The following ZFHX3 variants were observed in gnomAD, a reference collection of about 807,000 sequenced individuals.
ZFHX3 encodes zinc finger homeobox 3, also known as zinc finger homeobox protein 3.
A neutral mutation model predicts 279.1 loss-of-function variants in ZFHX3; 42 were observed. That is an observed-to-expected ratio of 0.15 (90% CI 0.12 to 0.19). The LOEUF is 0.19. Among genes scored for constraint, ZFHX3 ranks in the 10% least tolerant of loss-of-function variants. The pLI is 1.00. For synonymous variants in ZFHX3, 2,293 were observed against 1,957.8 expected, an observed-to-expected ratio of 1.17 and a Z score of -4.52; for missense variants, 4,981 against 4,754.0, an observed-to-expected ratio of 1.05 and a Z score of -1.40.
intron 1 of ZFHX3, among the ~76,000 whole-genome samples, chr16:73,781,565 G>A (rs1959473583): frequency 6.6e-6 from 1 of 152,170 alleles, no homozygotes; most frequent in African/African-American, 2.4e-5. Flanking sequence ...AGACTGTGTG[G>A]CCTCCAAAGT....
chr16:73,861,131 T>G (rs71388993), intron 1 of ZFHX3, among the ~76,000 whole-genome samples: 1 of 151,454 alleles, frequency 6.6e-6, no homozygotes, highest in African/African-American at 2.4e-5. Flanking sequence ...ACCTGGATGG[T>G]TTTTTTTGTA....
chr16:73,168,223 C>A (rs969943112), intron 5 of ZFHX3, among the ~76,000 whole-genome samples: 104 of 129,822 alleles, frequency 8.0e-4, no homozygotes, highest in African/African-American at 3.1e-3. Flanking sequence ...TTCTTTCTTT[C>A]TTTCTTTCTT....
intron 1 of ZFHX3, among the ~76,000 whole-genome samples, chr16:73,702,237 T>G (rs114552790): frequency 3.9e-5 from 6 of 151,972 alleles, no homozygotes; most frequent in African/African-American, 1.2e-4. Context: ...AAGGGGAGGA[T>G]AGACCCAAGT....
At chr16:73,533,141 C>T (rs187895914) in intron 2 of ZFHX3, among the ~76,000 whole-genome samples, 20 of 152,156 alleles carry the variant, frequency 1.3e-4, no homozygotes, top group Admixed American at 1.3e-3. Context: ...TGTGCTGTCT[C>T]ACACTCCAAA....
At chr16:72,898,372 C>T (rs754556780) in intron 3 of ZFHX3, among the ~76,000 whole-genome samples, 1 of 152,218 alleles carries the variant, frequency 6.6e-6, no homozygotes, top group Non-Finnish European at 1.5e-5. Flanking sequence ...TGGAACAAGC[C>T]ATGATTGCTC....
intron 4 of ZFHX3, among the ~76,000 whole-genome samples, chr16:73,267,680 G>A (rs1044272724): frequency 6.6e-6 from 1 of 152,168 alleles, no homozygotes; most frequent in Non-Finnish European, 1.5e-5. Flanking sequence ...GGGCAGCTTG[G>A]TCTAGCCTGG....
chr16:73,147,259 G>C (rs569995355), intron 5 of ZFHX3, among the ~76,000 whole-genome samples: 1 of 152,152 alleles, frequency 6.6e-6, no homozygotes, highest in Non-Finnish European at 1.5e-5. Context: ...GTACAACGGG[G>C]ATGAATTTGG....
At chr16:73,384,136 G>T in intron 3 of ZFHX3, among the ~76,000 whole-genome samples, 1 of 152,184 alleles carries the variant, frequency 6.6e-6, no homozygotes, top group East Asian at 1.9e-4. Context: ...GATGCTCTTG[G>T]CCAGGAATTG....
At chr16:73,586,670 A>G (rs2051930323) in intron 2 of ZFHX3, among the ~76,000 whole-genome samples, 1 of 152,200 alleles carries the variant, frequency 6.6e-6, no homozygotes, top group African/African-American at 2.4e-5. Context: ...AAGCAAATCA[A>G]CTGTCTTTGA....
intron 2 of ZFHX3, among the ~76,000 whole-genome samples, chr16:73,582,233 A>C (rs1315383780): frequency 6.6e-6 from 1 of 151,788 alleles, no homozygotes; most frequent in Admixed American, 6.6e-5. Context: ...TTTTCCCTAA[A>C]GGAGTTCTGG....
chr16:72,798,396 G>A lies in ZFHX3; in HGVS notation c.4286C>T (p.Thr1429Ile). The change falls in exon 9 of 10, where the codon ACC (threonine) becomes ATC (isoleucine). Residue 1429 changes from threonine to isoleucine, a missense_variant. Around this residue, in one of 7 missense-constraint regions of ZFHX3, gnomAD observed 1,751 missense variants for 1,770.0 expected, o/e 0.99. Coordinates refer to ENST00000268489, the MANE Select transcript of ZFHX3 (RefSeq NM_006885.4). Reference protein sequence around the residue: ...HSQYHVIRAATMCCLCQRSFR... With the variant: ...HSQYHVIRAAIMCCLCQRSFR... Reference sequence around the variant, plus strand: ...ACTGCGCTGACAAAGACAGCACATGGTGGCAGCTCTGATCACATGGTACTG... The same window carrying A: ...ACTGCGCTGACAAAGACAGCACATGATGGCAGCTCTGATCACATGGTACTG... 2 of 1,614,192 alleles carry A rather than the reference G, an allele frequency of 1.2e-6. No individual in the cohort carries two copies. Among genetic ancestry groups the A allele is most frequent in the Non-Finnish European group, 8.5e-7 (1 of 1,180,042 alleles).
At chr16:73,633,227 G>A (rs1486256557) in intron 2 of ZFHX3, among the ~76,000 whole-genome samples, 8 of 152,128 alleles carry the variant, frequency 5.3e-5, no homozygotes, top group Admixed American at 1.3e-4. Flanking sequence ...GAAGGAGATC[G>A]AAATTGAGAA....
chr16:73,611,721 T>C (rs1010634646), intron 2 of ZFHX3, among the ~76,000 whole-genome samples: 1 of 152,228 alleles, frequency 6.6e-6, no homozygotes, highest in African/African-American at 2.4e-5. Context: ...ATTCTAATAT[T>C]GTATTTTGTT....
chr16:73,357,325 C>T (rs1033166999), intron 3 of ZFHX3, among the ~76,000 whole-genome samples: 1 of 150,864 alleles, frequency 6.6e-6, no homozygotes, highest in Non-Finnish European at 1.5e-5. Context: ...AAATTAATTA[C>T]AAAAAATAAC....
At chr16:73,096,138 C>T (rs1332947569) in intron 7 of ZFHX3, among the ~76,000 whole-genome samples, 2 of 152,094 alleles carry the variant, frequency 1.3e-5, no homozygotes, top group African/African-American at 4.8e-5. Context: ...GATTACAGTC[C>T]CCCAGGGACC....
At chr16:72,829,403 G>A (rs922182149) in intron 5 of ZFHX3, 6 of 192,230 alleles carry the variant, frequency 3.1e-5, no homozygotes, top group African/African-American at 7.0e-5. Context: ...TGGGACCAGC[G>A]ACTGGACCTT....
chr16:73,370,837 A>G (rs1372424853), intron 3 of ZFHX3, among the ~76,000 whole-genome samples: 3 of 152,112 alleles, frequency 2.0e-5, no homozygotes, highest in Admixed American at 2.0e-4. Context: ...TCTGTCCTTC[A>G]CTTTCTCTTT....
At chr16:73,473,065 G>C (rs1365126640) in intron 2 of ZFHX3, among the ~76,000 whole-genome samples, 2 of 151,676 alleles carry the variant, frequency 1.3e-5, no homozygotes, top group African/African-American at 4.8e-5. Context: ...GATGGGCTGG[G>C]CACAGTGGCT....
At chr16:73,051,330 T>G (rs932611614), upstream of ZFHX3, among the ~76,000 whole-genome samples, 1 of 152,202 alleles carries the variant, frequency 6.6e-6, no homozygotes, top group Non-Finnish European at 1.5e-5. Context: ...TGGCCTGAGT[T>G]CACCCCATGA....
Sources: allele counts gnomAD v4.1 joint callset (sites outside exome capture counted in the v4.1 genomes callset), GRCh38; gene constraint gnomAD v4.1.1; regional missense constraint gnomAD v4.1.1; transcripts MANE v1.5; gene names NCBI Gene and HGNC (gene_info 2026-07-23, HGNC 2026-07-21).